Variants in S100A1 observed in about 807,000 individuals in gnomAD.
The protein encoded by S100A1 is protein S100-A1.
S100A1 carries 3 observed loss-of-function variants against 7.6 expected under a neutral mutation model. The ratio of observed to expected loss-of-function variants is 0.40; its 90% CI spans 0.18 to 1.02. The LOEUF (loss-of-function observed/expected upper bound fraction) is 1.02. Ranked by LOEUF, S100A1 falls within the 50% of genes least tolerant of loss-of-function variation. The probability of loss-of-function intolerance (pLI) is 0.35; values close to 1 mark genes in which losing one functional copy is unlikely to be tolerated. For missense variants in S100A1, 126 were observed against 115.0 expected, an observed-to-expected ratio of 1.10 and a Z score of -0.44; for synonymous variants, 49 against 49.0, an observed-to-expected ratio of 1.00 and a Z score of 0.00.
intron 2 of S100A1, 132 bp downstream of exon 2, chr1:153,630,794 C>A: frequency 2.3e-6 from 3 of 1,282,526 alleles, no homozygotes; most frequent in African/African-American, 1.5e-5. Flanking sequence ...AGGCTTCTCT[C>A]CTGGGTTTTT....
At chr1:153,631,394 C>T in intron 2 of S100A1, 1 of 1,371,660 alleles carries the variant, frequency 7.3e-7, no homozygotes, top group Non-Finnish European at 1.0e-6. Flanking sequence ...AAACATACCT[C>T]ACATTATTTG....
Position 153,630,665 on chromosome 1 carries a change from G to C in S100A1, c.141+3G>C. 5 of 1,614,098 alleles carry C rather than the reference G, an allele frequency of 3.1e-6. No homozygotes were observed. The highest frequency in any genetic ancestry group is 4.2e-6 in the Non-Finnish European group (5 of 1,179,984). ...CGGAGCTCTCTGGCTTCCTGGATGT[G>C]AGCATAGAGTGGTGGAGTGGGAGTG... is the stretch of plus-strand genomic sequence containing the variant. On this transcript the variant is annotated splice_donor_region_variant and intron_variant, in intron 2 of 2. Transcript: ENST00000292169.
chr1:153,630,965 A>G (rs980657537), intron 2 of S100A1: 3 of 435,718 alleles, frequency 6.9e-6, no homozygotes, highest in African/African-American at 2.0e-5. Context: ...GGAAATACAC[A>G]GAGCCTTAAC....
At chr1:153,631,511 G>A (rs1234374684) in intron 2 of S100A1, 187 bp from the exon 3 acceptor site, 4 of 1,612,798 alleles carry the variant, frequency 2.5e-6, no homozygotes, top group Non-Finnish European at 3.4e-6. Flanking sequence ...CATTCTGCCA[G>A]GTGAAAGAGC....
chr1:153,631,410 G>GATTAAATTAATT, intron 2 of S100A1: 1 of 1,449,326 alleles, frequency 6.9e-7, no homozygotes, highest in Non-Finnish European at 9.4e-7. Flanking sequence ...ATTTGTATTA[G>GATTAAATTAATT]AATTAAATTA....
chr1:153,631,782 G>T lies in S100A1; in HGVS notation c.226G>T (p.Val76Leu). ...CGGGGAGGTGGACTTCCAGGAGTAT[G>T]TGGTGCTTGTGGCTGCTCTCACAGT... ...GDGEVDFQEY[V>L]VLVAALTVAC... The change falls in exon 3 of 3, where the codon GTG (valine) becomes TTG (leucine). Residue 76 changes from valine (V) to leucine (L), a missense_variant. Physicochemically the swap from Val to Leu is conservative, Grantham distance 32. Coordinates refer to ENST00000292169, the MANE Select transcript of S100A1 (RefSeq NM_006271.2). 6.2e-7 allele frequency: 1 copy of T among 1,614,198 alleles called. No homozygotes were observed. The highest frequency in any genetic ancestry group is 8.5e-7 in the Non-Finnish European group (1 of 1,180,042).
chr1:153,631,643 A>C (rs1668014707), intron 2 of S100A1, 55 bp from the exon 3 acceptor site: 1 of 1,613,204 alleles, frequency 6.2e-7, no homozygotes, highest in African/African-American at 1.3e-5. Context: ...CTTGCCTCTG[A>C]CTCAGTGCTG....
intron 2 of S100A1, 185 bp from the exon 3 acceptor site, chr1:153,631,513 T>A (rs1251079427): frequency 1.2e-6 from 2 of 1,612,956 alleles, no homozygotes; most frequent in East Asian, 4.5e-5. Context: ...TTCTGCCAGG[T>A]GAAAGAGCTT....
At chr1:153,629,152 C>A (rs949540968) in intron 1 of S100A1, 1 of 152,334 alleles carries the variant, frequency 6.6e-6, no homozygotes, top group African/African-American at 2.4e-5. Context: ...ATCTCCCCTG[C>A]CCCCAAGTCC....
chr1:153,630,457 C>A, intron 1 of S100A1, 52 bp from the exon 2 acceptor site: 1 of 1,595,938 alleles, frequency 6.3e-7, no homozygotes. Context: ...CACCTAGACC[C>A]CAGGTACTCC....
At chr1:153,631,641 T>C (rs1406772260) in intron 2 of S100A1, 57 bp from the exon 3 acceptor site, 16 of 1,613,452 alleles carry the variant, frequency 9.9e-6, no homozygotes, top group Non-Finnish European at 1.3e-5. Flanking sequence ...CCCTTGCCTC[T>C]GACTCAGTGC....
At chr1:153,629,189 C>T (rs1421437038) in intron 1 of S100A1, 1 of 152,458 alleles carries the variant, frequency 6.6e-6, no homozygotes, top group African/African-American at 2.4e-5. Flanking sequence ...ACGTAAAATC[C>T]CAGGCTGCTT....
chr1:153,631,775 G>A lies in S100A1; in HGVS notation c.219G>A (p.Gln73=), dbSNP rs763139008. 2.5e-6 allele frequency: 4 copies of A among 1,614,184 alleles called. No homozygotes were observed. The highest frequency in any genetic ancestry group is 2.2e-5 in the South Asian group (2 of 91,082). ...DENGDGEVDF[Q]EYVVLVAALT... ...ATGGAGACGGGGAGGTGGACTTCCA[G>A]GAGTATGTGGTGCTTGTGGCTGCTC... The change falls in exon 3 of 3, where the codon CAG becomes CAA. Residue 73 remains glutamine, a synonymous_variant. Coordinates refer to ENST00000292169, the MANE Select transcript of S100A1 (RefSeq NM_006271.2).
Position 153,631,727 on chromosome 1 carries a change from G to T in S100A1, c.171G>T (p.Lys57Asn), listed in dbSNP as rs369899959. The T allele has an allele frequency of 2.0e-5, 32 of 1,614,218 alleles. No homozygotes were observed. The South Asian group carries it at 3.5e-4, about 18-fold the overall frequency. ...AGAAGGATGTGGATGCTGTGGACAA[G>T]GTGATGAAGGAGCTAGACGAGAATG... The part of the protein sequence containing the change: ...DAQKDVDAVD[K>N]VMKELDENGD... The change falls in exon 3 of 3, where the codon AAG becomes AAT. Residue 57 changes from lysine (K) to asparagine (N), a missense_variant. Lys to Asn is a moderately conservative substitution (Grantham distance 94). Transcript: ENST00000292169.
chr1:153,629,403 G>T (rs1171497471), intron 1 of S100A1: 1 of 152,222 alleles, frequency 6.6e-6, no homozygotes, highest in South Asian at 2.1e-4. Flanking sequence ...GATGTCATTC[G>T]ATCAGGGGCC....
chr1:153,631,497 T>C, intron 2 of S100A1: 1 of 1,610,078 alleles, frequency 6.2e-7, no homozygotes, highest in Non-Finnish European at 8.5e-7. Flanking sequence ...GTGTCATTAT[T>C]ATTCATTCTG....
intron 2 of S100A1, 113 bp downstream of exon 2, chr1:153,630,775 T>G: frequency 7.2e-7 from 1 of 1,394,192 alleles, no homozygotes; most frequent in Non-Finnish European, 9.7e-7. Context: ...CCTCTTTCTT[T>G]CCTTTCCCAG....
chr1:153,628,524 C>T (rs1282598054), intron 1 of S100A1, 28 bp downstream of exon 1: 4 of 1,550,034 alleles, frequency 2.6e-6, no homozygotes, highest in South Asian at 1.2e-5. Context: ...CTGGGCTAGT[C>T]CCTGGCCTGC....
intron 1 of S100A1, 151 bp downstream of exon 1, chr1:153,628,647 G>C (rs914569042): frequency 7.7e-7 from 1 of 1,301,012 alleles, no homozygotes. Flanking sequence ...TTTGGGATTT[G>C]GGGGAGACAG....
Sources: gnomAD v4.1 joint callset for allele counts on GRCh38, gnomAD v4.1.1 for gene constraint, MANE v1.5 for transcripts, NCBI Gene and HGNC (gene_info 2026-07-23, HGNC 2026-07-21) for gene names.